Variants in ALK observed in about 807,000 individuals in gnomAD.
ALK encodes ALK receptor tyrosine kinase.
ALK carries 74 observed loss-of-function variants against 163.1 expected under a neutral mutation model. That is an observed-to-expected ratio of 0.45 (90% CI 0.38 to 0.55). The LOEUF is 0.55. ALK is among the 20% of genes least tolerant of loss of function. ALK has a pLI of 0.00. For synonymous variants in ALK, 960 were observed against 843.2 expected (o/e 1.14, Z -2.40); for missense variants, 2,063 against 2,105.3 (o/e 0.98, Z 0.39).
chr2:29,773,233 T>TACACATACAC (rs1553359874), intron 1 of ALK, among the ~76,000 whole-genome samples: 19 of 146,850 alleles, frequency 1.3e-4, no homozygotes, highest in East Asian at 5.8e-4. Flanking sequence ...ACAGTAAATG[T>TACACATACAC]ACACACACAC....
intron 4 of ALK, among the ~76,000 whole-genome samples, chr2:29,392,885 C>A (rs895911938): frequency 1.3e-5 from 2 of 152,200 alleles, no homozygotes; most frequent in Non-Finnish European, 2.9e-5. Context: ...GTCAAGGTTA[C>A]TGAGTGTTAA....
chr2:29,310,761 C>T (rs1031704092), intron 8 of ALK, among the ~76,000 whole-genome samples: 1 of 152,182 alleles, frequency 6.6e-6, no homozygotes, highest in East Asian at 1.9e-4. Flanking sequence ...TGTGTGCATC[C>T]AGCCAGTCAA....
At chr2:29,514,327 A>G (rs1195113030) in intron 4 of ALK, among the ~76,000 whole-genome samples, 1 of 149,922 alleles carries the variant, frequency 6.7e-6, no homozygotes, top group Admixed American at 6.7e-5. Context: ...GCCATAAAAA[A>G]TGATGAGTTC....
intron 1 of ALK, among the ~76,000 whole-genome samples, chr2:29,837,295 A>C (rs2148392241): frequency 6.6e-6 from 1 of 152,266 alleles, no homozygotes; most frequent in South Asian, 2.1e-4. Flanking sequence ...GCCAGGGAAG[A>C]GATATTGGGA....
chr2:29,846,635 G>A (rs575016495), intron 1 of ALK, among the ~76,000 whole-genome samples: 5 of 152,212 alleles, frequency 3.3e-5, no homozygotes, highest in East Asian at 3.9e-4. Flanking sequence ...CTCCTCCCCC[G>A]GGCATTGAAA....
chr2:29,624,416 A>G (rs1287642228), intron 3 of ALK, among the ~76,000 whole-genome samples: 5 of 152,220 alleles, frequency 3.3e-5, no homozygotes, highest in Non-Finnish European at 4.4e-5. Context: ...GAAACCCTCT[A>G]TGGGAAATGA....
At chr2:29,342,877 CTTTTTTTT>C (rs57838065) in intron 5 of ALK, among the ~76,000 whole-genome samples, 1 of 90,452 alleles carries the variant, frequency 1.1e-5, no homozygotes, top group East Asian at 3.3e-4. Context: ...GCTCAGTGAT[CTTTTTTTT>C]TTTTTTTTTT....
intron 26 of ALK, among the ~76,000 whole-genome samples, chr2:29,202,406 A>G (rs1669204764): frequency 6.6e-6 from 1 of 152,256 alleles, no homozygotes; most frequent in South Asian, 2.1e-4. Flanking sequence ...AAAACTTTAA[A>G]AAGGAACAGA....
intron 1 of ALK, among the ~76,000 whole-genome samples, chr2:29,844,393 T>A (rs1413738105): frequency 1.3e-5 from 2 of 152,134 alleles, no homozygotes; most frequent in African/African-American, 4.8e-5. Flanking sequence ...TTTTACCTTA[T>A]CCTAAGAGCA....
intron 4 of ALK, among the ~76,000 whole-genome samples, chr2:29,470,131 C>T (rs1163010449): frequency 6.6e-6 from 1 of 151,390 alleles, no homozygotes; most frequent in Non-Finnish European, 1.5e-5. Context: ...AGATTAGACA[C>T]AAGAGAACAG....
At chr2:29,299,550 G>C (rs1004479756) in intron 8 of ALK, among the ~76,000 whole-genome samples, 4 of 152,180 alleles carry the variant, frequency 2.6e-5, no homozygotes, top group African/African-American at 4.8e-5. Flanking sequence ...GATGAGAATA[G>C]TTTTATCTCT....
intron 9 of ALK, among the ~76,000 whole-genome samples, chr2:29,281,584 C>T (rs894462829): frequency 2.0e-5 from 3 of 152,108 alleles, no homozygotes; most frequent in Admixed American, 6.5e-5. Context: ...TTTTTCCAGC[C>T]GGTGGAGTTT....
chr2:29,388,095 G>T lies in ALK; in HGVS notation c.1155-4236C>A, dbSNP rs561408922. Among the ~76,000 whole-genome samples, 4 of 152,232 alleles carry T rather than the reference G, an allele frequency of 2.6e-5. No individual in the cohort carries two copies. The East Asian group carries it at 7.7e-4, about 29-fold the overall frequency. ...AAAAATCACAAGAAGCTCTGACATG[G>T]AAACAAAAAGAATTTCTAAGCCTCC... is the stretch of plus-strand genomic sequence containing the variant. On this transcript the variant is annotated intron_variant, in intron 4 of 28. Transcript: ENST00000389048.
intron 2 of ALK, among the ~76,000 whole-genome samples, chr2:29,698,427 G>A (rs1046557170): frequency 6.6e-5 from 10 of 152,290 alleles, no homozygotes; most frequent in African/African-American, 2.4e-4. Flanking sequence ...CAGTAAAAAG[G>A]TGAGAAAGCC....
chr2:29,625,602 G>T (rs1676170183), intron 3 of ALK, among the ~76,000 whole-genome samples: 2 of 152,192 alleles, frequency 1.3e-5, no homozygotes, highest in African/African-American at 4.8e-5. Flanking sequence ...GGAGAAATCT[G>T]TTGTTAGGCA....
intron 9 of ALK, among the ~76,000 whole-genome samples, chr2:29,290,060 T>C (rs1665979265): frequency 6.6e-6 from 1 of 152,166 alleles, no homozygotes; most frequent in Non-Finnish European, 1.5e-5. Flanking sequence ...TAAATGTTGG[T>C]GGACATAATG....
chr2:29,548,275 C>A (rs1673612100), intron 3 of ALK, among the ~76,000 whole-genome samples: 1 of 152,074 alleles, frequency 6.6e-6, no homozygotes, highest in South Asian at 2.1e-4. Flanking sequence ...AGACTGGGAC[C>A]GTCCTGGCTA....
At chr2:29,571,685 T>G (rs772241082) in intron 3 of ALK, among the ~76,000 whole-genome samples, 74 of 143,590 alleles carry the variant, frequency 5.2e-4, no homozygotes, top group Non-Finnish European at 8.7e-4. Context: ...GGCATGCTCT[T>G]GGCTCACTGC....
intron 3 of ALK, among the ~76,000 whole-genome samples, chr2:29,651,924 T>C (rs1677048413): frequency 1.3e-5 from 2 of 152,160 alleles, no homozygotes; most frequent in African/African-American, 4.8e-5. Flanking sequence ...TGTGCATGTA[T>C]GCAAGGGAAC....
Sources: allele counts gnomAD v4.1 joint callset (sites outside exome capture counted in the v4.1 genomes callset), GRCh38; gene constraint gnomAD v4.1.1; transcripts MANE v1.5; gene names NCBI Gene and HGNC (gene_info 2026-07-23, HGNC 2026-07-21).